Variants in PTPRK observed in about 807,000 individuals in gnomAD.
The protein encoded by PTPRK is protein tyrosine phosphatase receptor type K.
PTPRK carries 75 observed loss-of-function variants against 178.0 expected under a neutral mutation model. The ratio of observed to expected loss-of-function variants is 0.42; its 90% confidence interval spans 0.35 to 0.51. The LOEUF is 0.51. Among genes scored for constraint, PTPRK ranks in the 20% least tolerant of loss-of-function variants. PTPRK has a pLI of 0.02. For missense variants in PTPRK, 1,441 were observed against 1,797.8 expected, an observed-to-expected ratio of 0.80 and a Z score of 3.59; for synonymous variants, 637 against 620.6, an observed-to-expected ratio of 1.03 and a Z score of -0.39.
chr6:128,131,824 T>C (rs1311265027), intron 7 of PTPRK, among the ~76,000 whole-genome samples: 1 of 152,240 alleles, frequency 6.6e-6, no homozygotes, highest in African/African-American at 2.4e-5. Flanking sequence ...CAATGAATGC[T>C]GTGATAATGT....
At chr6:128,358,614 G>A (rs1834282226) in intron 2 of PTPRK, among the ~76,000 whole-genome samples, 1 of 152,196 alleles carries the variant, frequency 6.6e-6, no homozygotes, top group African/African-American at 2.4e-5. Context: ...GGACAGTACA[G>A]TACAATAACT....
intron 11 of PTPRK, among the ~76,000 whole-genome samples, chr6:128,074,557 C>T (rs4479961): frequency 0.054 from 8,262 of 152,018 alleles, 827 homozygotes; most frequent in African/African-American, 0.19. Flanking sequence ...TCATTTTGAA[C>T]ACAGTAATGA....
chr6:128,420,307 TAATC>T (rs966041196), intron 1 of PTPRK, among the ~76,000 whole-genome samples: 11 of 152,178 alleles, frequency 7.2e-5, no homozygotes, highest in African/African-American at 1.4e-4. Flanking sequence ...ATAGGGAAAT[TAATC>T]AATAAAATAA....
intron 2 of PTPRK, among the ~76,000 whole-genome samples, chr6:128,368,709 G>A (rs550146072): frequency 4.6e-5 from 7 of 152,030 alleles, no homozygotes; most frequent in South Asian, 2.1e-4. Context: ...AAGTAGCTAC[G>A]TGCTCTTCAC....
intron 13 of PTPRK, among the ~76,000 whole-genome samples, chr6:128,050,601 A>G (rs1229253982): frequency 1.3e-5 from 2 of 152,166 alleles, no homozygotes; most frequent in Non-Finnish European, 2.9e-5. Flanking sequence ...TGATTATTTA[A>G]TTCATATGTT....
intron 11 of PTPRK, among the ~76,000 whole-genome samples, chr6:128,075,159 A>G (rs1310428038): frequency 6.6e-6 from 1 of 152,008 alleles, no homozygotes; most frequent in Non-Finnish European, 1.5e-5. Flanking sequence ...CCACAGTCTT[A>G]CCTGCATTTC....
intron 7 of PTPRK, among the ~76,000 whole-genome samples, chr6:128,154,947 A>T (rs1797762129): frequency 6.6e-6 from 1 of 151,776 alleles, no homozygotes; most frequent in Admixed American, 6.6e-5. Flanking sequence ...TAATGTCCAC[A>T]CATTGTGTTT....
At chr6:128,279,224 A>T (rs1171866236) in intron 3 of PTPRK, among the ~76,000 whole-genome samples, 1 of 152,048 alleles carries the variant, frequency 6.6e-6, no homozygotes, top group Non-Finnish European at 1.5e-5. Context: ...AAAAAAAAAA[A>T]AAAGATGTCT....
intron 7 of PTPRK, among the ~76,000 whole-genome samples, chr6:128,164,872 C>A (rs548501485): frequency 1.7e-4 from 25 of 150,076 alleles, no homozygotes; most frequent in African/African-American, 5.6e-4. Flanking sequence ...GCCAAAAAAA[C>A]CAGGGAAATA....
intron 13 of PTPRK, among the ~76,000 whole-genome samples, chr6:128,061,559 G>A (rs1437880977): frequency 1.3e-5 from 2 of 152,096 alleles, no homozygotes; most frequent in Non-Finnish European, 2.9e-5. Flanking sequence ...GGGGTTGGGA[G>A]GCAGGGGAGG....
At chr6:128,170,306 T>C (rs904367248) in intron 7 of PTPRK, among the ~76,000 whole-genome samples, 6 of 152,072 alleles carry the variant, frequency 3.9e-5, no homozygotes, top group African/African-American at 1.4e-4. Flanking sequence ...GCTTAATTTA[T>C]ACCTATCCAT....
intron 3 of PTPRK, among the ~76,000 whole-genome samples, chr6:128,246,434 T>C (rs1421616735): frequency 2.0e-5 from 3 of 152,014 alleles, no homozygotes; most frequent in Non-Finnish European, 2.9e-5. Context: ...AATTGGTTCT[T>C]TATTTAAAAA....
intron 3 of PTPRK, among the ~76,000 whole-genome samples, chr6:128,255,981 G>C (rs1428516615): frequency 6.6e-6 from 1 of 152,062 alleles, no homozygotes. Context: ...AAAAATATAA[G>C]CCTGTATAAA....
intron 6 of PTPRK, among the ~76,000 whole-genome samples, chr6:128,191,348 A>G (rs557985359): frequency 3.9e-5 from 6 of 152,072 alleles, no homozygotes; most frequent in Non-Finnish European, 8.8e-5. Context: ...AAATCTAAAA[A>G]GCTTGAACTC....
intron 2 of PTPRK, among the ~76,000 whole-genome samples, chr6:128,329,644 ACAGT>A (rs1261187679): frequency 2.6e-5 from 4 of 152,136 alleles, no homozygotes; most frequent in African/African-American, 7.2e-5. Flanking sequence ...CAGCTTGTAA[ACAGT>A]CAGACACAGA....
At chr6:128,485,038 G>A (rs1217710492) in intron 1 of PTPRK, among the ~76,000 whole-genome samples, 1 of 152,164 alleles carries the variant, frequency 6.6e-6, no homozygotes, top group Admixed American at 6.5e-5. Context: ...AAGGAAGAAT[G>A]AGGTCCATAT....
At chr6:128,520,181 G>T in intron 1 of PTPRK, 78 bp downstream of exon 1, 1 of 1,270,890 alleles carries the variant, frequency 7.9e-7, no homozygotes, top group Non-Finnish European at 1.1e-6. Context: ...CTTGTCCCCA[G>T]CCCTAGCGGG....
At chr6:128,099,088 T>A (rs926249616) in intron 7 of PTPRK, among the ~76,000 whole-genome samples, 3 of 151,870 alleles carry the variant, frequency 2.0e-5, no homozygotes, top group African/African-American at 7.2e-5. Context: ...TTAACTTTTT[T>A]ATGTCAATAT....
intron 13 of PTPRK, among the ~76,000 whole-genome samples, chr6:128,021,285 C>T (rs1250032872): frequency 1.3e-5 from 2 of 152,174 alleles, no homozygotes; most frequent in Non-Finnish European, 2.9e-5. Context: ...TCTAGATAAT[C>T]AACCTTTTTA....
Sources: gnomAD v4.1 joint callset for allele counts (sites outside exome capture counted in the v4.1 genomes callset) on GRCh38, gnomAD v4.1.1 for gene constraint, MANE v1.5 for transcripts, NCBI Gene and HGNC (gene_info 2026-07-23, HGNC 2026-07-21) for gene names.